SHROOM3: variants seen among roughly 807,000 people sequenced by gnomAD.
SHROOM3 encodes protein Shroom3.
Under a neutral mutation model 138.6 loss-of-function variants are expected in SHROOM3, and 47 were observed. That is an observed-to-expected ratio of 0.34 (90% CI 0.27 to 0.43). The LOEUF is 0.43. SHROOM3 is among the 20% of genes least tolerant of loss of function. The probability of loss-of-function intolerance (pLI) is 1.00; values close to 1 mark genes in which losing one functional copy is unlikely to be tolerated. For synonymous variants in SHROOM3, 1,062 were observed against 1,063.3 expected, an observed-to-expected ratio of 1.00 and a Z score of 0.02; for missense variants, 2,491 against 2,596.5, an observed-to-expected ratio of 0.96 and a Z score of 0.88.
chr4:76,711,522 G>C (rs1720227929), intron 3 of SHROOM3, among the ~76,000 whole-genome samples: 1 of 152,064 alleles, frequency 6.6e-6, no homozygotes, highest in African/African-American at 2.4e-5. Flanking sequence ...GCAAAACCCT[G>C]TCTCTACAAA....
At chr4:76,771,067 G>A (rs905358474) in intron 10 of SHROOM3, among the ~76,000 whole-genome samples, 169 bp downstream of exon 10, 1 of 152,120 alleles carries the variant, frequency 6.6e-6, no homozygotes, top group Non-Finnish European at 1.5e-5. Flanking sequence ...CATTTTCTGT[G>A]TTGAGATATA....
chr4:76,493,657 T>C (rs1322541682), intron 1 of SHROOM3, among the ~76,000 whole-genome samples: 1 of 152,200 alleles, frequency 6.6e-6, no homozygotes, highest in Non-Finnish European at 1.5e-5. Flanking sequence ...CCCACTTTGC[T>C]TTTATAAACC....
rs142088040 is a variant in SHROOM3 at position 76,739,722 on chromosome 4, A to C, written c.1549A>C (p.Asn517His). 2.5e-6 allele frequency: 4 copies of C among 1,614,054 alleles called. No homozygotes were observed. The highest frequency in any genetic ancestry group is 3.3e-5 in the Admixed American group (2 of 59,998). The change falls in exon 5 of 11, where the codon AAT (asparagine) becomes CAT (histidine). Residue 517 changes from asparagine to histidine, a missense_variant. Physicochemically the swap from Asn to His is moderately conservative, Grantham distance 68 (BLOSUM62 1). Coordinates refer to ENST00000296043, the MANE Select transcript of SHROOM3 (RefSeq NM_020859.4). Reference protein sequence around the residue: ...ACNKMATIDENGNQNGSGRPG... With the variant: ...ACNKMATIDEHGNQNGSGRPG... ...CAACAAGATGGCTACCATTGATGAG[A>C]ATGGGAACCAGAATGGATCTGGCAG... is the stretch of plus-strand genomic sequence containing the variant.
intron 3 of SHROOM3, among the ~76,000 whole-genome samples, chr4:76,719,134 T>C (rs1720463800): frequency 6.6e-6 from 1 of 152,116 alleles, no homozygotes; most frequent in South Asian, 2.1e-4. Flanking sequence ...GCTATAGTAA[T>C]TCAGGGGCAC....
chr4:76,723,513 T>A (rs953720314), intron 3 of SHROOM3, among the ~76,000 whole-genome samples: 4 of 152,218 alleles, frequency 2.6e-5, no homozygotes, highest in Non-Finnish European at 4.4e-5. Flanking sequence ...CATCACACTC[T>A]CACATTACCC....
At chr4:76,454,805 C>G (rs551627523) in intron 1 of SHROOM3, among the ~76,000 whole-genome samples, 1 of 152,172 alleles carries the variant, frequency 6.6e-6, no homozygotes, top group South Asian at 2.1e-4. Context: ...ATGCAGAGTG[C>G]CTTTCAGTTT....
At chr4:76,595,790 A>G (rs1349776471) in intron 2 of SHROOM3, among the ~76,000 whole-genome samples, 2 of 152,182 alleles carry the variant, frequency 1.3e-5, no homozygotes, top group African/African-American at 2.4e-5. Flanking sequence ...CTTGTGGAGT[A>G]AAACAGGGGA....
chr4:76,442,177 C>CATATACACATATATGTGT (rs1483661003), intron 1 of SHROOM3, among the ~76,000 whole-genome samples: 3 of 152,248 alleles, frequency 2.0e-5, no homozygotes, highest in Non-Finnish European at 4.4e-5. Context: ...CTCATTTACA[C>CATATACACATATATGTGT]ATAGCAAATG....
intron 2 of SHROOM3, chr4:76,586,123 C>G: frequency 4.5e-6 from 2 of 442,908 alleles, no homozygotes; most frequent in Non-Finnish European, 6.0e-6. Flanking sequence ...AGGTTCTGGC[C>G]GAGTGGACTT....
intron 1 of SHROOM3, among the ~76,000 whole-genome samples, chr4:76,463,552 G>A (rs1260932951): frequency 2.0e-5 from 3 of 152,236 alleles, no homozygotes; most frequent in Non-Finnish European, 4.4e-5. Context: ...GTAAGGAGGA[G>A]CCCAATGTTA....
At chr4:76,749,255 C>CT (rs1196450434) in intron 6 of SHROOM3, among the ~76,000 whole-genome samples, 165 bp downstream of exon 6, 1 of 151,678 alleles carries the variant, frequency 6.6e-6, no homozygotes, top group East Asian at 1.9e-4. Flanking sequence ...TATTATTATA[C>CT]TTTAAGTTTT....
intron 2 of SHROOM3, among the ~76,000 whole-genome samples, chr4:76,698,542 G>A (rs530365538): frequency 1.2e-4 from 18 of 152,248 alleles, no homozygotes; most frequent in African/African-American, 4.3e-4. Context: ...ACTACATTGG[G>A]ACCCTCAGAG....
At chr4:76,501,637 C>A (rs2109999630) in intron 1 of SHROOM3, among the ~76,000 whole-genome samples, 1 of 152,220 alleles carries the variant, frequency 6.6e-6, no homozygotes. Context: ...CCTAATCCAC[C>A]AACTTGCCAC....
intron 1 of SHROOM3, among the ~76,000 whole-genome samples, chr4:76,496,603 C>T (rs13152154): frequency 0.72 from 109,498 of 152,086 alleles, 39,677 homozygotes; most frequent in East Asian, 0.86. Flanking sequence ...CTCATTCCAT[C>T]ATCCTCCTAT....
chr4:76,705,777 A>C (rs1024785735), intron 2 of SHROOM3, among the ~76,000 whole-genome samples: 1 of 152,252 alleles, frequency 6.6e-6, no homozygotes, highest in Admixed American at 6.5e-5. Context: ...GGAGAACAGC[A>C]AGAAACATAA....
At chr4:76,538,256 G>A (rs908670933) in intron 1 of SHROOM3, among the ~76,000 whole-genome samples, 1 of 152,300 alleles carries the variant, frequency 6.6e-6, no homozygotes, top group East Asian at 1.9e-4. Context: ...TCTCAATAAA[G>A]CTGTTGGAAA....
chr4:76,539,326 T>TCC (rs1733047080), intron 1 of SHROOM3, among the ~76,000 whole-genome samples: 1 of 152,188 alleles, frequency 6.6e-6, no homozygotes, highest in Non-Finnish European at 1.5e-5. Flanking sequence ...AGGGTCTGGG[T>TCC]TCTGATCAGA....
intron 2 of SHROOM3, among the ~76,000 whole-genome samples, chr4:76,561,485 G>A (rs1733594723): frequency 2.0e-5 from 3 of 152,078 alleles, no homozygotes; most frequent in African/African-American, 4.8e-5. Flanking sequence ...CAGCCCTTGA[G>A]TCTCTGCCTG....
At chr4:76,714,905 G>C (rs543058989) in intron 3 of SHROOM3, among the ~76,000 whole-genome samples, 48 of 152,234 alleles carry the variant, frequency 3.2e-4, no homozygotes, top group African/African-American at 1.1e-3. Flanking sequence ...AATGGATCTA[G>C]TTTTGGCCAT....
Sources: gnomAD v4.1 joint callset for allele counts (sites outside exome capture counted in the v4.1 genomes callset) on GRCh38, gnomAD v4.1.1 for gene constraint, MANE v1.5 for transcripts, NCBI Gene and HGNC (gene_info 2026-07-23, HGNC 2026-07-21) for gene names.